The following BBS9 variants were observed in gnomAD, a reference collection of about 807,000 sequenced individuals.
BBS9 encodes the protein Bardet-Biedl syndrome 9.
A neutral mutation model predicts 117.7 loss-of-function variants in BBS9; 89 were observed. The observed-to-expected ratio is 0.76, with a 90% CI of 0.64 to 0.90. The LOEUF (loss-of-function observed/expected upper bound fraction) is 0.90. Among genes scored for constraint, BBS9 ranks in the 40% least tolerant of loss-of-function variants. The pLI is 0.00. For missense variants in BBS9, 982 were observed against 1,042.2 expected (o/e 0.94, Z 0.80); for synonymous variants, 379 against 370.9 (o/e 1.02, Z -0.25).
intron 20 of BBS9, among the ~76,000 whole-genome samples, chr7:33,508,840 G>A (rs1031154516): frequency 6.6e-6 from 1 of 152,204 alleles, no homozygotes; most frequent in Non-Finnish European, 1.5e-5. Flanking sequence ...CTAAATGTAG[G>A]AATTGGTACC....
At chr7:33,406,249 G>A (rs978574499) in intron 19 of BBS9, among the ~76,000 whole-genome samples, 3 of 152,126 alleles carry the variant, frequency 2.0e-5, no homozygotes, top group Non-Finnish European at 2.9e-5. Flanking sequence ...GCTGGGGAGA[G>A]CTTTACTTCC....
chr7:33,447,499 A>G (rs1230051557), intron 19 of BBS9, among the ~76,000 whole-genome samples: 1 of 152,262 alleles, frequency 6.6e-6, no homozygotes, highest in Non-Finnish European at 1.5e-5. Flanking sequence ...CTGACATTAA[A>G]AAATTTGCAT....
chr7:33,335,038 C>T (rs76361974), intron 9 of BBS9, among the ~76,000 whole-genome samples: 4,164 of 152,272 alleles, frequency 0.027, 191 homozygotes, highest in African/African-American at 0.091. Flanking sequence ...GTAGTATCTA[C>T]TCCCAACCCA....
At chr7:33,220,994 A>T (rs1583700502) in intron 5 of BBS9, among the ~76,000 whole-genome samples, 1 of 152,244 alleles carries the variant, frequency 6.6e-6, no homozygotes, top group Admixed American at 6.5e-5. Flanking sequence ...CGTTTGTTAG[A>T]GGTTTAGCCG....
chr7:33,305,742 G>A (rs1422032928), intron 9 of BBS9, among the ~76,000 whole-genome samples: 2 of 151,938 alleles, frequency 1.3e-5, no homozygotes, highest in South Asian at 2.1e-4. Context: ...TGTATCATTG[G>A]TTGTAATGTC....
chr7:33,469,650 T>G (rs948278863), intron 19 of BBS9, among the ~76,000 whole-genome samples: 1 of 152,210 alleles, frequency 6.6e-6, no homozygotes, highest in Non-Finnish European at 1.5e-5. Context: ...AAATGCTTTT[T>G]AGTTTTGCAA....
At chr7:33,425,720 C>A (rs1010139149) in intron 19 of BBS9, among the ~76,000 whole-genome samples, 7 of 152,168 alleles carry the variant, frequency 4.6e-5, no homozygotes, top group African/African-American at 7.2e-5. Context: ...AATTAAGAGA[C>A]TTCTTTTGGG....
chr7:33,221,650 A>G (rs1457524549), intron 5 of BBS9, among the ~76,000 whole-genome samples: 5 of 152,194 alleles, frequency 3.3e-5, no homozygotes, highest in Non-Finnish European at 7.4e-5. Flanking sequence ...CAGGCAATTC[A>G]TGTAACTAAA....
intron 9 of BBS9, among the ~76,000 whole-genome samples, chr7:33,300,966 C>T (rs1806279584): frequency 6.6e-6 from 1 of 152,084 alleles, no homozygotes; most frequent in Non-Finnish European, 1.5e-5. Context: ...CAGTTATTTT[C>T]TTTCAGCACT....
chr7:33,248,309 G>A (rs946805352), intron 5 of BBS9, among the ~76,000 whole-genome samples: 1 of 152,088 alleles, frequency 6.6e-6, no homozygotes, highest in Non-Finnish European at 1.5e-5. Context: ...TATGCCTAAG[G>A]TTTTAAACTT....
intron 9 of BBS9, among the ~76,000 whole-genome samples, chr7:33,313,316 T>G (rs1423259901): frequency 6.6e-6 from 1 of 152,204 alleles, no homozygotes; most frequent in Non-Finnish European, 1.5e-5. Context: ...TCTAGCGTGG[T>G]GCCTGAACAT....
chr7:33,392,348 C>T (rs745470268), intron 19 of BBS9, among the ~76,000 whole-genome samples: 5 of 152,098 alleles, frequency 3.3e-5, no homozygotes, highest in Admixed American at 6.5e-5. Flanking sequence ...TGGCTCAGCT[C>T]GGGACTGGAT....
intron 9 of BBS9, among the ~76,000 whole-genome samples, chr7:33,275,264 G>T (rs951893369): frequency 2.0e-5 from 3 of 152,134 alleles, no homozygotes; most frequent in African/African-American, 4.8e-5. Flanking sequence ...TAATTGCTAT[G>T]CACTTAACAC....
intron 19 of BBS9, among the ~76,000 whole-genome samples, chr7:33,415,758 A>G (rs1274463264): frequency 6.6e-6 from 1 of 152,198 alleles, no homozygotes; most frequent in Non-Finnish European, 1.5e-5. Context: ...GGAACAGCAT[A>G]GGAATAAGCC....
At chr7:33,557,488 A>G (rs1229782796) in intron 21 of BBS9, among the ~76,000 whole-genome samples, 1 of 152,162 alleles carries the variant, frequency 6.6e-6, no homozygotes, top group Non-Finnish European at 1.5e-5. Flanking sequence ...TTGTGAAAAT[A>G]TATTTCAATA....
At chr7:33,152,895 A>T in intron 3 of BBS9, 44 bp downstream of exon 3, 1 of 1,586,702 alleles carries the variant, frequency 6.3e-7, no homozygotes, top group Non-Finnish European at 8.7e-7. Flanking sequence ...GGAGTATGTC[A>T]ATCCTTTACA....
chr7:33,585,953 G>C (rs1860814992), intron 21 of BBS9, among the ~76,000 whole-genome samples: 1 of 152,080 alleles, frequency 6.6e-6, no homozygotes, highest in Non-Finnish European at 1.5e-5. Flanking sequence ...CCTTGGGTCA[G>C]TAAATCTTTT....
At chr7:33,282,414 C>T (rs187890166) in intron 9 of BBS9, among the ~76,000 whole-genome samples, 1 of 152,006 alleles carries the variant, frequency 6.6e-6, no homozygotes, top group Non-Finnish European at 1.5e-5. Context: ...ACTCTGTTGC[C>T]CAGACTGGAG....
At chr7:33,461,254 G>T (rs962805832) in intron 19 of BBS9, among the ~76,000 whole-genome samples, 2 of 151,884 alleles carry the variant, frequency 1.3e-5, no homozygotes, top group African/African-American at 2.4e-5. Context: ...CTAGAAGTAG[G>T]GTTGTGGGAT....
Sources: allele counts gnomAD v4.1 joint callset (sites outside exome capture counted in the v4.1 genomes callset), GRCh38; gene constraint gnomAD v4.1.1; transcripts MANE v1.5; gene names NCBI Gene and HGNC (gene_info 2026-07-23, HGNC 2026-07-21).